The following CDH4 variants were observed in gnomAD, a reference collection of about 807,000 sequenced individuals.
The protein encoded by CDH4 is cadherin 4.
In CDH4, 33 loss-of-function variants were observed where a neutral mutation model predicts 86.0. The ratio of observed to expected loss-of-function variants is 0.38; its 90% confidence interval spans 0.29 to 0.51. The LOEUF (loss-of-function observed/expected upper bound fraction) is 0.51, where lower values mean the gene tolerates loss of function less well. Among genes scored for constraint, CDH4 ranks in the 20% least tolerant of loss-of-function variants. The pLI is 0.86. For synonymous variants in CDH4, 555 were observed against 549.4 expected (o/e 1.01, Z -0.14); for missense variants, 1,114 against 1,307.4 (o/e 0.85, Z 2.28).
In CDH4 at chr20:61,873,824, G is replaced by C; in HGVS notation, c.974G>C (p.Ser325Thr). Residue 325 changes from serine to threonine, a missense_variant, in exon 7 of 16, where the codon AGC becomes ACC. Physicochemically the swap from Ser to Thr is moderately conservative, Grantham distance 58 (BLOSUM62 1). Transcript: ENST00000614565. ...CGGATCGTGACCCAGACCCCACAGA[G>C]CCCGTCCCAGAATATGTTCACCATC... ...RYRIVTQTPQ[S>T]PSQNMFTINS... The C allele has an allele frequency of 6.2e-7, 1 of 1,614,112 alleles. No homozygotes were observed. The highest frequency in any genetic ancestry group is 8.5e-7 in the Non-Finnish European group (1 of 1,180,028).
At chr20:61,322,325 A>C (rs1012980967) in intron 2 of CDH4, among the ~76,000 whole-genome samples, 2 of 152,180 alleles carry the variant, frequency 1.3e-5, no homozygotes, top group Non-Finnish European at 2.9e-5. Context: ...CTGTGGGTGC[A>C]CCAGGCTCAG....
At position 61,773,099 on chromosome 20, in the gene CDH4, A is replaced by C; in HGVS notation, c.493A>C (p.Arg165=). The C allele has an allele frequency of 3.1e-6, 5 of 1,612,858 alleles. No homozygotes were observed. Among genetic ancestry groups the C allele is most frequent in the Non-Finnish European group, 4.2e-6 (5 of 1,179,718 alleles). ...WPQHQNANGL[R]RRKRDWVIPP... is the part of the protein sequence containing the mutation. Reference sequence around the variant, plus strand: ...CCAGCACCAGAACGCCAACGGGCTGAGGCGGCGCAAACGGGACTGGGTCAT... The same window carrying C: ...CCAGCACCAGAACGCCAACGGGCTGCGGCGGCGCAAACGGGACTGGGTCAT... The change falls in exon 4 of 16, where the codon AGG becomes CGG. Residue 165 remains arginine (R), a synonymous_variant. Transcript: ENST00000614565.
chr20:61,505,735 G>T (rs960851268), intron 2 of CDH4, among the ~76,000 whole-genome samples: 2 of 151,402 alleles, frequency 1.3e-5, no homozygotes, highest in Non-Finnish European at 3.0e-5. Flanking sequence ...CGGGAAAAAA[G>T]AATTGGCACA....
chr20:61,781,060 A>G (rs1354197191), intron 4 of CDH4, among the ~76,000 whole-genome samples: 1 of 152,230 alleles, frequency 6.6e-6, no homozygotes, highest in East Asian at 1.9e-4. Context: ...CAGTGAAAGC[A>G]ACAGTCAGCA....
chr20:61,550,189 CTTCCCTGGCCTCCCTAGCCTGT>C (rs577508299), intron 2 of CDH4, among the ~76,000 whole-genome samples: 5,095 of 146,686 alleles, frequency 0.035, 138 homozygotes, highest in Non-Finnish European at 0.051. Context: ...CCCTAGCCTG[CTTCCCTGGCCTCCCTAGCCTGT>C]TTCCCTGGCC....
At chr20:61,365,334 T>G (rs2084805577) in intron 2 of CDH4, among the ~76,000 whole-genome samples, 1 of 152,194 alleles carries the variant, frequency 6.6e-6, no homozygotes. Context: ...GGCTTCTCTT[T>G]GTGTTTGCAG....
chr20:61,842,333 G>A (rs1015389166), intron 4 of CDH4, among the ~76,000 whole-genome samples: 3 of 152,192 alleles, frequency 2.0e-5, no homozygotes, highest in Non-Finnish European at 2.9e-5. Flanking sequence ...GTCATACTGT[G>A]TGTCATCAGA....
intron 2 of CDH4, among the ~76,000 whole-genome samples, chr20:61,456,889 G>A (rs2085409677): frequency 6.6e-6 from 1 of 152,202 alleles, no homozygotes; most frequent in Admixed American, 6.5e-5. Context: ...TCTCCTGGGG[G>A]TGAGTAAGTT....
In CDH4 at chr20:61,937,017, C is replaced by T. The variant is rs1215740055; in HGVS notation, c.*74C>T. 11 of 1,305,802 alleles carry T rather than the reference C, an allele frequency of 8.4e-6. No individual in the cohort carries two copies. Among genetic ancestry groups the T allele is most frequent in the East Asian group, 7.8e-5 (3 of 38,416 alleles). 80.9% of individuals were successfully genotyped at this position (1,305,802 alleles called of 1,614,324 possible). On this transcript the variant is annotated 3_prime_UTR_variant, in exon 16 of 16. Coordinates refer to ENST00000614565, the MANE Select transcript of CDH4 (RefSeq NM_001794.5). ...AGGAGCAGGACTGAGCAGAGGCGGC[C>T]GGTCTTCCCGACTCCCTGCGGCTGT...
chr20:61,704,254 A>C (rs1258126177), intron 2 of CDH4, among the ~76,000 whole-genome samples: 1 of 152,070 alleles, frequency 6.6e-6, no homozygotes, highest in Admixed American at 6.6e-5. Flanking sequence ...AGCTCACAGG[A>C]AACCCAGCTC....
At chr20:61,787,157 T>C (rs957338275) in intron 4 of CDH4, among the ~76,000 whole-genome samples, 6 of 152,118 alleles carry the variant, frequency 3.9e-5, no homozygotes, top group Admixed American at 1.3e-4. Context: ...CATCTATCCC[T>C]CCATCCATCC....
intron 2 of CDH4, among the ~76,000 whole-genome samples, chr20:61,702,190 A>G (rs1368412881): frequency 3.9e-5 from 6 of 152,198 alleles, no homozygotes; most frequent in Non-Finnish European, 4.4e-5. Context: ...GTCCTCTGCC[A>G]CTTTCTCCAT....
chr20:61,425,233 G>A (rs1206276414), intron 2 of CDH4, among the ~76,000 whole-genome samples: 1 of 152,236 alleles, frequency 6.6e-6, no homozygotes, highest in East Asian at 1.9e-4. Context: ...CCCTCACCCT[G>A]AGCAGGGCGG....
In CDH4 at chr20:61,940,327, G is replaced by GGAAA. The variant is rs1209526774; in HGVS notation, c.*3387_*3390dup. On this transcript the variant is annotated 3_prime_UTR_variant, in exon 16 of 16. Transcript: ENST00000614565. ...GCCTGCATGAGCACAGTTGTTTTGG[G>GGAAA]GAAAGATACTGGAGTATGATGTACT... The GGAAA allele has an allele frequency of 2.0e-5, 3 of 152,118 alleles. No homozygotes were observed. The highest frequency in any genetic ancestry group is 1.3e-4 in the Admixed American group (2 of 15,268). 9.4% of individuals were successfully genotyped at this position (152,118 alleles called of 1,614,324 possible).
At chr20:61,546,033 T>A (rs2086079792) in intron 2 of CDH4, among the ~76,000 whole-genome samples, 1 of 1,198 alleles carries the variant, frequency 8.3e-4, no homozygotes, top group Non-Finnish European at 1.8e-3. Flanking sequence ...CGGTGTGTGT[T>A]CGTGTGTGTG....
Position 61,383,116 on chromosome 20 carries a change from AATAT to A in CDH4, c.169+128184_169+128187del, listed in dbSNP as rs1266853681. Among the ~76,000 whole-genome samples, 136 of 83,630 alleles carry A rather than the reference AATAT, an allele frequency of 1.6e-3. 15 individuals carry two copies. Among genetic ancestry groups the A allele is most frequent in the Admixed American group, 4.2e-3 (36 of 8,572 alleles). 54.9% of individuals were successfully genotyped at this position (83,630 alleles called of 152,430 possible). ...ATATATATGAATATATTATATATAG[AATAT>A]ATATGAATATATTATATATATGAAT... On this transcript the variant is annotated intron_variant, in intron 2 of 15. Transcript: ENST00000614565.
At chr20:61,635,414 C>T (rs1222896803) in intron 2 of CDH4, among the ~76,000 whole-genome samples, 2 of 152,206 alleles carry the variant, frequency 1.3e-5, no homozygotes, top group African/African-American at 2.4e-5. Flanking sequence ...GACTTGGCTG[C>T]TGCGGGTGAT....
At chr20:61,598,921 G>A (rs2145741675) in intron 2 of CDH4, among the ~76,000 whole-genome samples, 1 of 152,358 alleles carries the variant, frequency 6.6e-6, no homozygotes, top group African/African-American at 2.4e-5. Flanking sequence ...CGTCTCTGCG[G>A]TCAGTGAGGG....
At chr20:61,319,049 G>A (rs561887950) in intron 2 of CDH4, among the ~76,000 whole-genome samples, 16 of 152,284 alleles carry the variant, frequency 1.1e-4, no homozygotes, top group Non-Finnish European at 1.5e-4. Context: ...TAGTTTCCAC[G>A]ATCTTAACAG....
Sources: allele counts gnomAD v4.1 joint callset (sites outside exome capture counted in the v4.1 genomes callset), GRCh38; gene constraint gnomAD v4.1.1; transcripts MANE v1.5; gene names NCBI Gene and HGNC (gene_info 2026-07-23, HGNC 2026-07-21).